Variants in NOS1 observed in about 807,000 individuals in gnomAD.
NOS1 encodes nitric oxide synthase 1.
Under a neutral mutation model 164.5 loss-of-function variants are expected in NOS1, and 51 were observed. The observed-to-expected ratio is 0.31, with a 90% confidence interval of 0.25 to 0.39. The LOEUF (loss-of-function observed/expected upper bound fraction) is 0.39, where lower values mean the gene tolerates loss of function less well. NOS1 is among the 10% of genes least tolerant of loss of function. The pLI is 1.00. For synonymous variants in NOS1, 719 were observed against 745.8 expected (o/e 0.96, Z 0.59); for missense variants, 1,362 against 1,885.6 (o/e 0.72, Z 5.14).
intron 22 of NOS1, among the ~76,000 whole-genome samples, chr12:117,229,243 T>C (rs1868977038): frequency 6.6e-6 from 1 of 152,188 alleles, no homozygotes; most frequent in Non-Finnish European, 1.5e-5. Flanking sequence ...ACCCTGTTGG[T>C]GCCAGGCCTG....
At chr12:117,349,384 G>T (rs1259578759) in intron 1 of NOS1, among the ~76,000 whole-genome samples, 3 of 152,190 alleles carry the variant, frequency 2.0e-5, no homozygotes. Flanking sequence ...ACAGACATCT[G>T]GGTTGTTTCC....
chr12:117,216,531 G>A lies in NOS1; in HGVS notation c.4290-1207C>T, dbSNP rs999625141. Among the ~76,000 whole-genome samples, 9 of 151,662 alleles carry A rather than the reference G, an allele frequency of 5.9e-5. No individual in the cohort carries two copies. The South Asian group carries it at 1.9e-3, about 32-fold the overall frequency. ...CTTGCTCTGTTGCCTAGGCTGGGGTGCAGTGGTGCCATCATGGCTCACTGC... is the reference window on the plus strand; with the variant it reads ...CTTGCTCTGTTGCCTAGGCTGGGGTACAGTGGTGCCATCATGGCTCACTGC... On this transcript the variant is annotated intron_variant, in intron 28 of 28. Coordinates refer to ENST00000317775, the MANE Select transcript of NOS1 (RefSeq NM_000620.5).
intron 1 of NOS1, among the ~76,000 whole-genome samples, chr12:117,354,936 T>A (rs1876791796): frequency 6.6e-6 from 1 of 152,242 alleles, no homozygotes; most frequent in African/African-American, 2.4e-5. Flanking sequence ...CTATCTGAAG[T>A]TGCGTAAGCT....
chr12:117,265,854 G>A (rs534711447), intron 11 of NOS1, among the ~76,000 whole-genome samples: 20 of 151,272 alleles, frequency 1.3e-4, no homozygotes, highest in African/African-American at 4.6e-4. Context: ...GCAGTGGCGC[G>A]ATCTTGGCTC....
At chr12:117,244,413 A>G (rs1355006809) in intron 18 of NOS1, among the ~76,000 whole-genome samples, 1 of 152,088 alleles carries the variant, frequency 6.6e-6, no homozygotes, top group Non-Finnish European at 1.5e-5. Flanking sequence ...TGCCCAGCTA[A>G]TTTTTAGTAG....
intron 3 of NOS1, among the ~76,000 whole-genome samples, chr12:117,300,190 T>C (rs1873724459): frequency 6.6e-6 from 1 of 152,122 alleles, no homozygotes; most frequent in South Asian, 2.1e-4. Context: ...GATACCAATT[T>C]ACAGAGAGGA....
intron 2 of NOS1, among the ~76,000 whole-genome samples, chr12:117,317,390 G>C (rs1874714659): frequency 6.7e-6 from 1 of 149,872 alleles, no homozygotes. Context: ...ATAATTTCTT[G>C]TTGCCAGGAC....
At position 117,260,523 on chromosome 12, in the gene NOS1, T is replaced by G. The variant is rs768752535; in HGVS notation, c.2309A>C (p.Lys770Thr). Reference sequence around the variant, plus strand: ...CAAGGTCTTGGCATAAGCTTGCGATTTGCCTGTCTCTGTGGCATAGAGGAT... The same window carrying G: ...CAAGGTCTTGGCATAAGCTTGCGATGTGCCTGTCTCTGTGGCATAGAGGAT... ...ATILYATETG[K>T]SQAYAKTLCE... Residue 770 changes from lysine (K) to threonine (T), a missense_variant, in exon 14 of 29, where the codon AAA becomes ACA. This residue lies in a region of NOS1 where 737 missense variants were observed against 1,030.3 expected (regional missense o/e 0.72). Transcript: ENST00000317775. 4 of 1,614,202 alleles carry G rather than the reference T, an allele frequency of 2.5e-6. No homozygotes were observed. The Admixed American group carries it at 6.7e-5, about 27-fold the overall frequency.
At chr12:117,281,604 G>A (rs922198571) in intron 7 of NOS1, among the ~76,000 whole-genome samples, 7 of 150,292 alleles carry the variant, frequency 4.7e-5, no homozygotes, top group Non-Finnish European at 7.4e-5. Flanking sequence ...GGGAGGCCAA[G>A]GCAGGCGGAT....
chr12:117,213,454 C>T lies in NOS1; in HGVS notation c.*1855G>A. The T allele has an allele frequency of 1.0e-6, 1 of 985,492 alleles. No homozygotes were observed. The highest frequency in any genetic ancestry group is 5.2e-4 in the Middle Eastern group (1 of 1,914). The allele number at this position is 985,492 out of a possible 1,614,324, so 61.0% of individuals were successfully genotyped here. ...TAAAGGAAGGCAGGGGAGATTATAG[C>T]TGGCATGAAGTCAAGCTCCATGTGG... On this transcript the variant is annotated 3_prime_UTR_variant, in exon 29 of 29. Coordinates refer to ENST00000317775, the MANE Select transcript of NOS1 (RefSeq NM_000620.5).
At chr12:117,305,399 G>A (rs1271803286) in intron 3 of NOS1, among the ~76,000 whole-genome samples, 2 of 151,658 alleles carry the variant, frequency 1.3e-5, no homozygotes, top group Non-Finnish European at 2.9e-5. Flanking sequence ...GGGAGGCGGA[G>A]CTTGCAGTGA....
At chr12:117,253,534 T>C (rs1014136243) in intron 17 of NOS1, 104 bp downstream of exon 17, 4 of 756,786 alleles carry the variant, frequency 5.3e-6, no homozygotes, top group African/African-American at 5.2e-5. Context: ...GAGAAATGAA[T>C]GGACACTACC....
At position 117,214,198 on chromosome 12, in the gene NOS1, A is replaced by T; in HGVS notation, c.*1111T>A. The T allele has an allele frequency of 1.0e-6, 1 of 985,388 alleles. No homozygotes were observed. The highest frequency in any genetic ancestry group is 1.2e-6 in the Non-Finnish European group (1 of 829,902). 61.0% of individuals were successfully genotyped at this position (985,388 alleles called of 1,614,324 possible). On this transcript the variant is annotated 3_prime_UTR_variant, in exon 29 of 29. Transcript: ENST00000317775. The stretch of plus-strand genomic sequence containing the variant: ...AGCAGCAAGCCCGCTTTGGGGGAAT[A>T]AAAAAATAATAATCATATTGTTACT...
chr12:117,314,069 A>G (rs1874565444), intron 2 of NOS1, among the ~76,000 whole-genome samples: 1 of 152,148 alleles, frequency 6.6e-6, no homozygotes, highest in African/African-American at 2.4e-5. Context: ...TGACCCCTCC[A>G]GCGGCTCCCT....
chr12:117,210,082 C>A lies in NOS1; in HGVS notation c.*5227G>T, dbSNP rs576426741. 7.2e-6 allele frequency: 5 copies of A among 698,356 alleles called. No homozygotes were observed. Among genetic ancestry groups the A allele is most frequent in the Admixed American group, 1.3e-4 (2 of 15,922 alleles). The allele number at this position is 698,356 out of a possible 1,614,324, so 43.3% of individuals were successfully genotyped here. Reference sequence around the variant, plus strand: ...CAAACTCCTGGGACCAAGTGATCCTCCTGCCTCAGCCTCCCAAGTAGCTGG... The same window carrying A: ...CAAACTCCTGGGACCAAGTGATCCTACTGCCTCAGCCTCCCAAGTAGCTGG... On this transcript the variant is annotated 3_prime_UTR_variant, in exon 29 of 29. Transcript: ENST00000317775.
At chr12:117,285,701 A>G (rs1410857327) in intron 6 of NOS1, among the ~76,000 whole-genome samples, 1 of 152,184 alleles carries the variant, frequency 6.6e-6, no homozygotes, top group African/African-American at 2.4e-5. Context: ...CCTGATCTTG[A>G]TAACAAATCT....
chr12:117,361,257 C>G (rs1426193898), intron 1 of NOS1, among the ~76,000 whole-genome samples: 1 of 151,900 alleles, frequency 6.6e-6, no homozygotes, highest in Non-Finnish European at 1.5e-5. Context: ...TCCGAGTCCG[C>G]CGCCCCGCGC....
chr12:117,255,467 ATGTT>A (rs1871364721), intron 16 of NOS1, among the ~76,000 whole-genome samples: 1 of 152,214 alleles, frequency 6.6e-6, no homozygotes, highest in African/African-American at 2.4e-5. Flanking sequence ...TCTAAGCTGG[ATGTT>A]CTTTAAAGTT....
At position 117,330,869 on chromosome 12, in the gene NOS1, G is replaced by A; in HGVS notation, c.201C>T (p.Val67=). 1 of 1,614,128 alleles carries A rather than the reference G, an allele frequency of 6.2e-7. No homozygotes were observed. Among genetic ancestry groups the A allele is most frequent in the South Asian group, 1.1e-5 (1 of 91,066 alleles). The change falls in exon 2 of 29, where the codon GTC becomes GTT. Residue 67 remains valine, a synonymous_variant. Coordinates refer to ENST00000317775, the MANE Select transcript of NOS1 (RefSeq NM_000620.5). The surrounding 1 kb of genome is among the most constrained non-coding windows in gnomAD (Gnocchi z 4.6). ...TCAGGTCCACCAAGGGCCGGCCGTT[G>A]ACCGCAAGAATGATGTCTCCGGCCT... is the stretch of plus-strand genomic sequence containing the variant. ...LIQAGDIILA[V]NGRPLVDLSY... is the part of the protein sequence containing the mutation.
Sources: gnomAD v4.1 joint callset for allele counts (sites outside exome capture counted in the v4.1 genomes callset) on GRCh38, gnomAD v4.1.1 for gene constraint, gnomAD v4.1.1 regional missense constraint, Gnocchi (gnomAD v3.1) non-coding constraint, MANE v1.5 for transcripts, NCBI Gene and HGNC (gene_info 2026-07-23, HGNC 2026-07-21) for gene names.